ANKRD17: variants seen among roughly 807,000 people sequenced by gnomAD.
ANKRD17 encodes the protein ankyrin repeat domain 17, also known as ankyrin repeat domain-containing protein 17.
A neutral mutation model predicts 229.7 loss-of-function variants in ANKRD17; 19 were observed. The ratio of observed to expected loss-of-function variants is 0.08; its 90% CI spans 0.06 to 0.12. ANKRD17 has a LOEUF of 0.12. ANKRD17 is among the 10% of genes least tolerant of loss of function. ANKRD17 has a pLI of 1.00. For synonymous variants in ANKRD17, 1,112 were observed against 1,146.1 expected, an observed-to-expected ratio of 0.97 and a Z score of 0.60; for missense variants, 2,176 against 3,176.8, an observed-to-expected ratio of 0.68 and a Z score of 7.57.
Position 73,139,714 on chromosome 4 carries a change from G to C in ANKRD17, c.2902C>G (p.Pro968Ala). 1 of 1,614,172 alleles carries C rather than the reference G, an allele frequency of 6.2e-7. No individual in the cohort carries two copies. The highest frequency in any genetic ancestry group is 8.5e-7 in the Non-Finnish European group (1 of 1,180,026). The change falls in exon 15 of 34, where the codon CCC (proline) becomes GCC (alanine). Residue 968 changes from proline (P) to alanine (A), a missense_variant. Transcript: ENST00000358602. ...TTTGCGATGGACCCTGGAGGCAAGG[G>C]ACCTGCCGCCAGAGGCAAAGCTTGA... is the stretch of plus-strand genomic sequence containing the variant. ...MPQALPLAAG[P>A]LPPGSIANLT...
chr4:73,169,458 T>C (rs187481613), intron 2 of ANKRD17, among the ~76,000 whole-genome samples: 2 of 151,834 alleles, frequency 1.3e-5, no homozygotes, highest in Admixed American at 1.3e-4. Context: ...CTAGGGGAAC[T>C]AGCCACCCTG....
intron 30 of ANKRD17, among the ~76,000 whole-genome samples, chr4:73,084,393 T>C (rs1416753903): frequency 4.0e-5 from 6 of 151,816 alleles, no homozygotes; most frequent in African/African-American, 1.5e-4. Context: ...AAAGTCTGCC[T>C]GTAGTTAAAA....
intron 7 of ANKRD17, 72 bp from the exon 8 acceptor site, chr4:73,149,122 A>T: frequency 1.6e-6 from 2 of 1,231,456 alleles, no homozygotes; most frequent in South Asian, 2.8e-5. Flanking sequence ...AAGACTTCTC[A>T]ATTACTATAC....
intron 15 of ANKRD17, among the ~76,000 whole-genome samples, chr4:73,136,980 G>GTTTTGT (rs1290292187): frequency 3.0e-5 from 4 of 131,218 alleles, no homozygotes; most frequent in African/African-American, 1.2e-4. Context: ...AAATTACAGA[G>GTTTTGT]TTTTTTTTTT....
At chr4:73,208,384 AT>A (rs1184443126) in intron 1 of ANKRD17, among the ~76,000 whole-genome samples, 1 of 152,204 alleles carries the variant, frequency 6.6e-6, no homozygotes, top group Admixed American at 6.5e-5. Context: ...AGTACAGTAC[AT>A]TCTCTGACCA....
At chr4:73,194,366 T>C (rs916970302) in intron 1 of ANKRD17, among the ~76,000 whole-genome samples, 7 of 152,236 alleles carry the variant, frequency 4.6e-5, no homozygotes, top group African/African-American at 1.2e-4. Context: ...ATTTTCTCTA[T>C]TGAATTGCCT....
At chr4:73,130,041 A>G (rs1320032401) in intron 16 of ANKRD17, among the ~76,000 whole-genome samples, 1 of 151,852 alleles carries the variant, frequency 6.6e-6, no homozygotes, top group East Asian at 1.9e-4. Flanking sequence ...CTGGGATTAC[A>G]GGTGTGAGCC....
intron 3 of ANKRD17, among the ~76,000 whole-genome samples, chr4:73,157,257 T>A (rs1466671103): frequency 2.6e-5 from 4 of 152,130 alleles, no homozygotes; most frequent in South Asian, 2.1e-4. Flanking sequence ...ACGGAAAAGA[T>A]GGGAGAATGT....
chr4:73,099,224 C>G, intron 25 of ANKRD17: 2 of 587,852 alleles, frequency 3.4e-6, no homozygotes, highest in Non-Finnish European at 3.2e-6. Context: ...TCCCACCGCC[C>G]CCGCCCCTTT....
chr4:73,214,524 A>C (rs1488177393), intron 1 of ANKRD17, among the ~76,000 whole-genome samples: 1 of 152,154 alleles, frequency 6.6e-6, no homozygotes, highest in Admixed American at 6.5e-5. Context: ...CTGATGACAC[A>C]AAAGCAATGG....
At chr4:73,180,284 T>C (rs911938102) in intron 1 of ANKRD17, among the ~76,000 whole-genome samples, 3 of 152,048 alleles carry the variant, frequency 2.0e-5, no homozygotes, top group African/African-American at 7.2e-5. Flanking sequence ...GAACATGGAC[T>C]GGCAAGTAAA....
intron 1 of ANKRD17, among the ~76,000 whole-genome samples, chr4:73,200,537 G>A (rs988932706): frequency 6.6e-6 from 1 of 151,980 alleles, no homozygotes; most frequent in African/African-American, 2.4e-5. Context: ...AGCTCCCCAG[G>A]TGATACTAAT....
At chr4:73,148,763 C>A in intron 8 of ANKRD17, 50 bp downstream of exon 8, 1 of 1,510,122 alleles carries the variant, frequency 6.6e-7, no homozygotes, top group South Asian at 1.2e-5. Context: ...TAAAATTATA[C>A]TCTTAGGTTT....
chr4:73,134,208 T>C (rs13151642), intron 16 of ANKRD17, among the ~76,000 whole-genome samples: 54,999 of 152,034 alleles, frequency 0.36, 10,420 homozygotes, highest in South Asian at 0.46. Flanking sequence ...ATGCCCTTAA[T>C]GGTCCATCCA....
intron 30 of ANKRD17, chr4:73,080,775 C>A (rs1462272008): frequency 6.6e-6 from 1 of 152,166 alleles, no homozygotes; most frequent in Admixed American, 6.6e-5. Context: ...CCTTCTAGAA[C>A]CAAAGTAGAG....
At chr4:73,154,857 C>T (rs1188473358) in intron 5 of ANKRD17, among the ~76,000 whole-genome samples, 5 of 151,862 alleles carry the variant, frequency 3.3e-5, no homozygotes, top group South Asian at 2.1e-4. Flanking sequence ...CCGGCTAAAA[C>T]GGTGAAACCC....
rs547283820 is a variant in ANKRD17 at position 73,084,534 on chromosome 4, C to T, written c.7159+715G>A. ...TGTGATCTCGGCTCACTGCAACCTC[C>T]GCCTCCTGGGTTCAAGCAATTCTCC... is the stretch of plus-strand genomic sequence containing the variant. On this transcript the variant is annotated intron_variant, in intron 30 of 33. Transcript: ENST00000358602. 2.5e-4 allele frequency among the ~76,000 whole-genome samples: 38 copies of T among 149,622 alleles called. No individual in the cohort carries two copies. In the East Asian group the frequency reaches 7.2e-3, roughly 28 times the overall value.
At chr4:73,258,798 TGCCGCCGCC>T (rs1203341924), upstream of ANKRD17, 42 of 1,139,184 alleles carry the variant, frequency 3.7e-5, no homozygotes, top group Middle Eastern at 3.9e-4. Flanking sequence ...TCACCTCTAC[TGCCGCCGCC>T]GCCGCCGCCG....
chr4:73,178,785 CA>C (rs1735069910), intron 1 of ANKRD17, among the ~76,000 whole-genome samples: 1 of 152,032 alleles, frequency 6.6e-6, no homozygotes, highest in South Asian at 2.1e-4. Context: ...ACTCCTAAGA[CA>C]GGGGTAAAGT....
Sources: gnomAD v4.1 joint callset for allele counts (sites outside exome capture counted in the v4.1 genomes callset) on GRCh38, gnomAD v4.1.1 for gene constraint, MANE v1.5 for transcripts, NCBI Gene and HGNC (gene_info 2026-07-23, HGNC 2026-07-21) for gene names.